The following PPARG variants were observed in gnomAD, a reference collection of about 807,000 sequenced individuals.
The protein encoded by PPARG is peroxisome proliferator-activated receptor gamma.
PPARG carries 17 observed loss-of-function variants against 39.2 expected under a neutral mutation model. The ratio of observed to expected loss-of-function variants is 0.43; its 90% CI spans 0.30 to 0.65. The LOEUF is 0.65. PPARG is among the 30% of genes least tolerant of loss of function. PPARG has a pLI of 0.13. For synonymous variants in PPARG, 223 were observed against 215.7 expected (o/e 1.03, Z -0.30); for missense variants, 406 against 585.9 (o/e 0.69, Z 3.17).
chr3:12,327,489 T>C (rs1044082963), intron 2 of PPARG, among the ~76,000 whole-genome samples: 1 of 152,162 alleles, frequency 6.6e-6, no homozygotes, highest in African/African-American at 2.4e-5. Context: ...CCAAGCACCC[T>C]GAGAAAAACT....
chr3:12,369,774 T>A (rs903333034), intron 2 of PPARG, among the ~76,000 whole-genome samples: 1 of 152,222 alleles, frequency 6.6e-6, no homozygotes, highest in Non-Finnish European at 1.5e-5. Flanking sequence ...GCTATTTACT[T>A]TTCTGGAGTT....
At chr3:12,340,325 T>C (rs1559499540) in intron 2 of PPARG, among the ~76,000 whole-genome samples, 1 of 152,234 alleles carries the variant, frequency 6.6e-6, no homozygotes, top group South Asian at 2.1e-4. Context: ...TTGCCCAGAG[T>C]TGCTGTAGGC....
chr3:12,328,319 C>T, intron 2 of PPARG: 1 of 950,336 alleles, frequency 1.1e-6, no homozygotes, highest in Non-Finnish European at 1.7e-6. Flanking sequence ...CCTCTCATTC[C>T]TGGTGGGGGC....
chr3:12,349,207 C>T (rs954935327), intron 2 of PPARG, among the ~76,000 whole-genome samples: 1 of 152,042 alleles, frequency 6.6e-6, no homozygotes, highest in Non-Finnish European at 1.5e-5. Flanking sequence ...TAGGTCAGTA[C>T]CTGGTGCTTA....
intron 5 of PPARG, among the ~76,000 whole-genome samples, chr3:12,395,440 G>A (rs915904371): frequency 8.5e-5 from 13 of 152,218 alleles, no homozygotes; most frequent in African/African-American, 2.7e-4. Flanking sequence ...CCTGAGAGCA[G>A]AAATACAGAG....
At chr3:12,396,475 G>A (rs1413049137) in intron 5 of PPARG, among the ~76,000 whole-genome samples, 4 of 152,020 alleles carry the variant, frequency 2.6e-5, no homozygotes, top group African/African-American at 9.7e-5. Context: ...TTGGCTTGTG[G>A]GCCAGGCATG....
intron 2 of PPARG, among the ~76,000 whole-genome samples, chr3:12,327,204 G>A (rs1271441693): frequency 6.6e-6 from 1 of 152,164 alleles, no homozygotes; most frequent in African/African-American, 2.4e-5. Context: ...CCTTTGTTCT[G>A]CTGCTGGTTT....
At chr3:12,413,596 G>A (rs2050954890) in intron 6 of PPARG, among the ~76,000 whole-genome samples, 1 of 151,934 alleles carries the variant, frequency 6.6e-6, no homozygotes, top group Non-Finnish European at 1.5e-5. Flanking sequence ...ATCACCTGAG[G>A]CCAGGAGTTC....
At chr3:12,351,384 T>A in intron 2 of PPARG, 1 of 598,404 alleles carries the variant, frequency 1.7e-6, no homozygotes. Flanking sequence ...CACAGCTGGC[T>A]CCTAATAGGA....
intron 6 of PPARG, among the ~76,000 whole-genome samples, chr3:12,413,816 CAAAAAA>C (rs10575755): frequency 1.6e-5 from 1 of 60,966 alleles, no homozygotes; most frequent in Non-Finnish European, 4.2e-5. Context: ...AACTCCATCT[CAAAAAA>C]AAAAAAAAAA....
At chr3:12,288,329 C>T (rs2046561066), upstream of PPARG, among the ~76,000 whole-genome samples, 1 of 151,622 alleles carries the variant, frequency 6.6e-6, no homozygotes, top group African/African-American at 2.4e-5. Context: ...TACCGGAGCG[C>T]GCACTAGGGG....
intron 1 of PPARG, among the ~76,000 whole-genome samples, chr3:12,311,013 C>T (rs2047227581): frequency 6.6e-6 from 1 of 152,162 alleles, no homozygotes; most frequent in African/African-American, 2.4e-5. Flanking sequence ...GTGGGCATTA[C>T]ACACTGACAC....
intron 2 of PPARG, among the ~76,000 whole-genome samples, chr3:12,361,178 G>T (rs538287264): frequency 6.6e-6 from 1 of 152,052 alleles, no homozygotes; most frequent in Admixed American, 6.5e-5. Context: ...TTTAAAAAGC[G>T]TTTGTTGTCC....
At chr3:12,338,940 A>C (rs1038461465) in intron 2 of PPARG, among the ~76,000 whole-genome samples, 1 of 152,242 alleles carries the variant, frequency 6.6e-6, no homozygotes, top group Admixed American at 6.5e-5. Context: ...TATAATCTAA[A>C]ATATGAATTC....
intron 1 of PPARG, among the ~76,000 whole-genome samples, chr3:12,291,647 CTT>C (rs1343212587): frequency 2.0e-5 from 3 of 151,988 alleles, no homozygotes; most frequent in Non-Finnish European, 4.4e-5. Context: ...TTGGGGAAAA[CTT>C]TTGTAGATGT....
chr3:12,434,292 T>C lies in PPARG; in HGVS notation c.*147T>C, dbSNP rs2051785810. 1 of 1,018,438 alleles carries C rather than the reference T, an allele frequency of 9.8e-7. No individual in the cohort carries two copies. Among genetic ancestry groups the C allele is most frequent in the African/African-American group, 1.6e-5 (1 of 61,792 alleles). 63.1% of individuals were successfully genotyped at this position (1,018,438 alleles called of 1,614,324 possible). A position where few individuals can be genotyped will look rare whatever the true frequency, so the allele number is the denominator to read the frequency against. On this transcript the variant is annotated 3_prime_UTR_variant, in exon 8 of 8. Coordinates refer to ENST00000651735, the MANE Select transcript of PPARG (RefSeq NM_138711.6). This position sits in a 1 kb window ranked among gnomAD's most constrained non-coding sequence, Gnocchi z 4.2. Reference sequence around the variant, plus strand: ...TGATCTATTTTATGCATATTGTTTATAAAGACACATTTACAATTTACTTTT... The same window carrying C: ...TGATCTATTTTATGCATATTGTTTACAAAGACACATTTACAATTTACTTTT...
intron 1 of PPARG, among the ~76,000 whole-genome samples, chr3:12,295,466 C>A (rs943139844): frequency 6.6e-6 from 1 of 150,820 alleles, no homozygotes; most frequent in Admixed American, 6.6e-5. Flanking sequence ...TATTTAAAAG[C>A]AATATAATGT....
At chr3:12,321,386 G>C (rs2047540180) in intron 2 of PPARG, among the ~76,000 whole-genome samples, 1 of 152,188 alleles carries the variant, frequency 6.6e-6, no homozygotes, top group Non-Finnish European at 1.5e-5. Flanking sequence ...GCAAATGAGA[G>C]TCTAAGAATA....
chr3:12,291,531 T>C (rs931219471), intron 1 of PPARG, among the ~76,000 whole-genome samples: 8 of 152,190 alleles, frequency 5.3e-5, no homozygotes, highest in Admixed American at 6.5e-5. Context: ...ATATAGTATA[T>C]GTTTTAAAGC....
Sources: gnomAD v4.1 joint callset for allele counts (sites outside exome capture counted in the v4.1 genomes callset) on GRCh38, gnomAD v4.1.1 for gene constraint, Gnocchi (gnomAD v3.1) non-coding constraint, MANE v1.5 for transcripts, NCBI Gene and HGNC (gene_info 2026-07-23, HGNC 2026-07-21) for gene names.